The following NFYA variants were observed in gnomAD, a reference collection of about 807,000 sequenced individuals.
NFYA encodes the protein nuclear transcription factor Y subunit alpha, also known as CAAT-box DNA binding protein subunit A.
Under a neutral mutation model 52.8 loss-of-function variants are expected in NFYA, and 28 were observed. That is an observed-to-expected ratio of 0.53 (90% confidence interval 0.39 to 0.73). NFYA has a LOEUF of 0.73. Among genes scored for constraint, NFYA ranks in the 30% least tolerant of loss-of-function variants. NFYA has a pLI of 0.00. For missense variants in NFYA, 234 were observed against 427.0 expected (o/e 0.55, Z 3.98); for synonymous variants, 150 against 150.7 (o/e 1.00, Z 0.03).
chr6:41,091,476 T>C, intron 6 of NFYA, 52 bp from the exon 7 acceptor site: 2 of 1,573,632 alleles, frequency 1.3e-6, no homozygotes, highest in Non-Finnish European at 1.7e-6. Flanking sequence ...GTTCCCTTCT[T>C]TCTGTTCTGT....
chr6:41,084,599 A>T (rs1763991250), intron 4 of NFYA, among the ~76,000 whole-genome samples: 1 of 152,260 alleles, frequency 6.6e-6, no homozygotes, highest in African/African-American at 2.4e-5. Context: ...AAGCAGACCA[A>T]TAAAACAGGT....
Position 41,083,128 on chromosome 6 carries a change from G to T in NFYA, c.163-918G>T, listed in dbSNP as rs149901708. Among the ~76,000 whole-genome samples the T allele has an allele frequency of 4.4e-3, 669 of 152,282 alleles. 2 individuals are homozygous for T. The highest frequency in any genetic ancestry group is 6.9e-3 in the Non-Finnish European group (470 of 68,026). The stretch of plus-strand genomic sequence containing the variant: ...AATGAAAATTTTGGACTATTCCATG[G>T]ATCATTACAGTTTACTTCTAAAGCA... On this transcript the variant is annotated intron_variant, in intron 3 of 9. Coordinates refer to ENST00000341376, the MANE Select transcript of NFYA (RefSeq NM_002505.5).
intron 9 of NFYA, among the ~76,000 whole-genome samples, chr6:41,096,124 G>A (rs1270423068): frequency 6.6e-6 from 1 of 152,140 alleles, no homozygotes; most frequent in Non-Finnish European, 1.5e-5. Context: ...GGTCAAGGAT[G>A]CATGCTATTA....
rs183667695 is a variant in NFYA, at chr6:41,077,057, G to A, written c.-61-1972G>A. Among the ~76,000 whole-genome samples, 13 of 152,114 alleles carry A rather than the reference G, an allele frequency of 8.5e-5. No homozygotes were observed. The East Asian group carries it at 1.9e-3, about 23-fold the overall frequency. ...AACTAGTTAAGAAGAAAATCTGTAC[G>A]TTACATATATTAGTCATTATGTGCT... On this transcript the variant is annotated intron_variant, in intron 1 of 9. Transcript: ENST00000341376.
intron 9 of NFYA, among the ~76,000 whole-genome samples, chr6:41,096,781 G>C (rs1186147497): frequency 6.6e-6 from 1 of 152,192 alleles, no homozygotes; most frequent in Non-Finnish European, 1.5e-5. Flanking sequence ...GAGTTTAGTG[G>C]AAAGAAGATG....
Position 41,090,204 on chromosome 6 carries a change from A to G in NFYA, c.442A>G (p.Thr148Ala), listed in dbSNP as rs1764163248. The G allele has an allele frequency of 2.5e-6, 4 of 1,605,194 alleles. No individual in the cohort carries two copies. In the African/African-American group the frequency reaches 4.0e-5, roughly 16 times the overall value. Residue 148 changes from threonine (T) to alanine (A), a missense_variant and splice_region_variant, in exon 6 of 10, where the codon ACA becomes GCA. Physicochemically the swap from Thr to Ala is moderately conservative, Grantham distance 58. This residue lies in a region of NFYA where 118 missense variants were observed against 182.4 expected (regional missense o/e 0.65). Transcript: ENST00000341376. ...TTGTGTCATTACTTATTTCCTCCAG[A>G]CACAGCAGCAGATTGCTGTCCAGGG... ...QTAVTAGQTQ[T>A]QQQIAVQGQQ... is the part of the protein sequence containing the mutation.
chr6:41,073,662 T>A (rs1763619403), intron 1 of NFYA, among the ~76,000 whole-genome samples: 2 of 151,588 alleles, frequency 1.3e-5, no homozygotes, highest in African/African-American at 4.8e-5. Flanking sequence ...GGCCGCGGGG[T>A]CCCGTGTGCG....
intron 1 of NFYA, among the ~76,000 whole-genome samples, chr6:41,078,808 G>A (rs978679613): frequency 6.6e-6 from 1 of 152,190 alleles, no homozygotes; most frequent in African/African-American, 2.4e-5. Context: ...AGGTAAGGTT[G>A]CCAGTATACT....
intron 8 of NFYA, 116 bp from the exon 9 acceptor site, chr6:41,094,279 TC>T: frequency 2.6e-6 from 2 of 771,110 alleles, no homozygotes; most frequent in Non-Finnish European, 4.3e-6. Flanking sequence ...GTCATAATTG[TC>T]CCTTGTGACT....
In NFYA at chr6:41,076,238, T is replaced by G. The variant is rs1386224218; in HGVS notation, c.-61-2791T>G. On this transcript the variant is annotated intron_variant, in intron 1 of 9. Coordinates refer to ENST00000341376, the MANE Select transcript of NFYA (RefSeq NM_002505.5). Reference sequence around the variant, plus strand: ...GCCTGGGTAGCATAGGGAGACCCCCTCTCTTAAAAGAAAAAAAAGAATAGA... The same window carrying G: ...GCCTGGGTAGCATAGGGAGACCCCCGCTCTTAAAAGAAAAAAAAGAATAGA... Among the ~76,000 whole-genome samples the G allele has an allele frequency of 2.0e-5, 3 of 152,288 alleles. No individual in the cohort carries two copies. The East Asian group carries it at 5.8e-4, about 29-fold the overall frequency.
At chr6:41,092,817 G>T in intron 7 of NFYA, 95 bp from the exon 8 acceptor site, 1 of 1,319,498 alleles carries the variant, frequency 7.6e-7, no homozygotes, top group African/African-American at 1.5e-5. Context: ...ACTTTTTGTG[G>T]CATTTACAAA....
Position 41,078,681 on chromosome 6 carries a change from T to A in NFYA, c.-61-348T>A, listed in dbSNP as rs12201865. On this transcript the variant is annotated intron_variant, in intron 1 of 9. Transcript: ENST00000341376. ...ATTACGTGTTACAACTTAAAGAAGC[T>A]TTATTCTCTAAAGTATATGTGCAAA... Among the ~76,000 whole-genome samples the A allele has an allele frequency of 5.8e-3, 888 of 152,332 alleles. 4 individuals are homozygous for A. The highest frequency in any genetic ancestry group is 9.7e-3 in the Non-Finnish European group (661 of 68,032).
At chr6:41,086,507 C>A (rs1764047902) in intron 4 of NFYA, among the ~76,000 whole-genome samples, 1 of 150,690 alleles carries the variant, frequency 6.6e-6, no homozygotes, top group Non-Finnish European at 1.5e-5. Context: ...AGGCTTTAAT[C>A]CCCTTTGTAT....
Position 41,097,859 on chromosome 6 carries a change from C to T in NFYA, c.*449C>T, listed in dbSNP as rs1764402878. On this transcript the variant is annotated 3_prime_UTR_variant, in exon 10 of 10. Coordinates refer to ENST00000341376, the MANE Select transcript of NFYA (RefSeq NM_002505.5). ...GGTGGGGGAATCTCACACTGACTAA[C>T]TGAATGGACGCTTTGTATTCAGAGA... 6.4e-6 allele frequency: 1 copy of T among 156,254 alleles called. No homozygotes were observed. The allele number at this position is 156,254 out of a possible 1,614,324, so 9.7% of individuals were successfully genotyped here.
intron 4 of NFYA, among the ~76,000 whole-genome samples, chr6:41,085,312 G>C (rs747032984): frequency 2.6e-5 from 4 of 152,172 alleles, no homozygotes; most frequent in Non-Finnish European, 5.9e-5. Context: ...ATTGCAATCT[G>C]AGTGTCCATT....
At chr6:41,073,789 C>G (rs754628703) in intron 1 of NFYA, among the ~76,000 whole-genome samples, 3 of 152,164 alleles carry the variant, frequency 2.0e-5, no homozygotes, top group Non-Finnish European at 4.4e-5. Context: ...CGCCGCGCCC[C>G]TCCTCCCAGC....
At chr6:41,084,429 T>C (rs1763986400) in intron 4 of NFYA, among the ~76,000 whole-genome samples, 1 of 152,126 alleles carries the variant, frequency 6.6e-6, no homozygotes, top group African/African-American at 2.4e-5. Context: ...GTAAAGTATA[T>C]GAAGAGGTTA....
At chr6:41,092,051 A>G (rs570047996) in intron 7 of NFYA, among the ~76,000 whole-genome samples, 1 of 152,376 alleles carries the variant, frequency 6.6e-6, no homozygotes, top group South Asian at 2.1e-4. Flanking sequence ...GCTAAAAATT[A>G]GAAAGATTGT....
chr6:41,097,320 C>T (rs769030512), intron 9 of NFYA, 37 bp from the exon 10 acceptor site: 1 of 1,608,796 alleles, frequency 6.2e-7, no homozygotes, highest in Non-Finnish European at 8.5e-7. Context: ...GTTGCTTTTG[C>T]AAAGGACTTT....
Sources: allele counts gnomAD v4.1 joint callset (sites outside exome capture counted in the v4.1 genomes callset), GRCh38; gene constraint gnomAD v4.1.1; regional missense constraint gnomAD v4.1.1; transcripts MANE v1.5; gene names NCBI Gene and HGNC (gene_info 2026-07-23, HGNC 2026-07-21).